RBM5: variants seen among roughly 807,000 people sequenced by gnomAD.
RBM5 encodes the protein RNA binding motif protein 5.
Under a neutral mutation model 124.6 loss-of-function variants are expected in RBM5, and 15 were observed. The ratio of observed to expected loss-of-function variants is 0.12; its 90% confidence interval spans 0.08 to 0.19. The LOEUF (loss-of-function observed/expected upper bound fraction) is 0.19, where lower values mean the gene tolerates loss of function less well. Ranked by LOEUF, RBM5 falls within the 10% of genes least tolerant of loss-of-function variation. RBM5 has a pLI of 1.00. For synonymous variants in RBM5, 337 were observed against 361.2 expected (o/e 0.93, Z 0.76); for missense variants, 580 against 1,026.5 (o/e 0.57, Z 5.94).
intron 12 of RBM5, among the ~76,000 whole-genome samples, 191 bp downstream of exon 12, chr3:50,107,760 C>T (rs1472733026): frequency 1.5e-5 from 2 of 132,344 alleles, no homozygotes; most frequent in African/African-American, 2.8e-5. Flanking sequence ...AATCTTGGCT[C>T]ACTGCAAGCT....
chr3:50,112,846 T>C (rs2091173064), intron 17 of RBM5: 1 of 152,298 alleles, frequency 6.6e-6, no homozygotes. Flanking sequence ...ACTAGACTTT[T>C]TAAATTTTTA....
chr3:50,109,742 T>C (rs2091108351), intron 15 of RBM5, 54 bp downstream of exon 15: 1 of 1,466,260 alleles, frequency 6.8e-7, no homozygotes, highest in East Asian at 2.3e-5. Context: ...AATTTTGTTT[T>C]GCTATACAAG....
chr3:50,107,932 C>T (rs2109008676), intron 12 of RBM5, 138 bp from the exon 13 acceptor site: 6 of 718,564 alleles, frequency 8.3e-6, no homozygotes, highest in East Asian at 2.7e-5. Context: ...GTGATCCACC[C>T]ACGTCAGCCT....
intron 22 of RBM5, chr3:50,116,320 T>C (rs2091252346): frequency 1.2e-5 from 3 of 254,944 alleles, no homozygotes; most frequent in African/African-American, 6.6e-5. Flanking sequence ...AGAAGTGCGC[T>C]TCAAATTAAT....
intron 14 of RBM5, among the ~76,000 whole-genome samples, chr3:50,108,979 C>G (rs1391079284): frequency 1.3e-5 from 2 of 152,200 alleles, no homozygotes; most frequent in Non-Finnish European, 2.9e-5. Context: ...CTCTAAGAAG[C>G]CTTGGCTTTA....
At position 50,100,291 on chromosome 3, in the gene RBM5, TG is replaced by T; in HGVS notation, c.410-240del. On this transcript the variant is annotated intron_variant, in intron 5 of 24. Coordinates refer to ENST00000347869, the MANE Select transcript of RBM5 (RefSeq NM_005778.4). This position sits in a 1 kb window ranked among gnomAD's most constrained non-coding sequence, Gnocchi z 5.1. Reference sequence around the variant, plus strand: ...TGATTTATAAACTCCTTTTTTTTTTTGACTATAGTCGGTTGCATGGTTACTT... The same window carrying T: ...TGATTTATAAACTCCTTTTTTTTTTTACTATAGTCGGTTGCATGGTTACTT... 9.2e-6 allele frequency: 5 copies of T among 545,808 alleles called. No homozygotes were observed. Among genetic ancestry groups the T allele is most frequent in the South Asian group, 3.0e-5 (1 of 33,050 alleles). 33.8% of individuals were successfully genotyped at this position (545,808 alleles called of 1,614,324 possible).
chr3:50,108,881 T>G (rs1039611640), intron 14 of RBM5, among the ~76,000 whole-genome samples: 1 of 152,130 alleles, frequency 6.6e-6, no homozygotes, highest in Non-Finnish European at 1.5e-5. Flanking sequence ...CTCTCTGTGT[T>G]TGGAGTCGTG....
chr3:50,115,973 A>G lies in RBM5; in HGVS notation c.2087A>G (p.Glu696Gly), dbSNP rs2091244381. ...EQELEALELR[E>G]REMKYRDRAA... ...GAGCTGGAAGCCTTGGAGCTAAGGG[A>G]GAGAGAGGTGAATGGGAAACTGTGC... The change falls in exon 22 of 25, where the codon GAG (glutamate) becomes GGG (glycine). Residue 696 changes from glutamate to glycine, a missense_variant. Glu to Gly is a moderately conservative substitution (Grantham distance 98). Transcript: ENST00000347869. 1.9e-6 allele frequency: 3 copies of G among 1,612,416 alleles called. No homozygotes were observed. The highest frequency in any genetic ancestry group is 2.5e-6 in the Non-Finnish European group (3 of 1,178,466).
Position 50,105,724 on chromosome 3 carries a change from G to T in RBM5, c.855+15G>T, listed in dbSNP as rs529804080. The stretch of plus-strand genomic sequence containing the variant: ...CCTCTGCAATGGTGAGGTTCTCATC[G>T]ATTCTTTCCTTTTTAAAAGAAACAG... On this transcript the variant is annotated intron_variant, in intron 10 of 24. Transcript: ENST00000347869. The T allele has an allele frequency of 6.2e-6, 10 of 1,610,308 alleles. No homozygotes were observed. The highest frequency in any genetic ancestry group is 8.5e-6 in the Non-Finnish European group (10 of 1,178,150).
chr3:50,110,527 A>G, intron 16 of RBM5, 64 bp downstream of exon 16: 1 of 1,530,290 alleles, frequency 6.5e-7, no homozygotes, highest in Non-Finnish European at 9.0e-7. Flanking sequence ...TTGTTTAATG[A>G]GAGTTCTTCT....
intron 4 of RBM5, among the ~76,000 whole-genome samples, chr3:50,097,579 GT>G (rs977264603): frequency 1.2e-4 from 18 of 148,198 alleles, no homozygotes; most frequent in African/African-American, 2.7e-4. Context: ...ATTTCACCCT[GT>G]TTTTTTTTTC....
chr3:50,103,540 G>A (rs538474184), intron 7 of RBM5, among the ~76,000 whole-genome samples: 2 of 152,280 alleles, frequency 1.3e-5, no homozygotes, highest in South Asian at 2.1e-4. Flanking sequence ...CCAGCTACTC[G>A]GAGGTTGAGG....
At chr3:50,092,312 ATCACTT>A in intron 3 of RBM5, 104 bp downstream of exon 3, 1 of 1,321,884 alleles carries the variant, frequency 7.6e-7, no homozygotes, top group Non-Finnish European at 1.0e-6. Flanking sequence ...CCATAATCCT[ATCACTT>A]TGGGAGGCCA....
At chr3:50,093,536 TCAGAC>T (rs929379407) in intron 3 of RBM5, among the ~76,000 whole-genome samples, 179 bp from the exon 4 acceptor site, 5 of 151,622 alleles carry the variant, frequency 3.3e-5, no homozygotes, top group African/African-American at 1.2e-4. Flanking sequence ...GGCCAGGAGT[TCAGAC>T]CAGCCTGGGT....
At position 50,117,403 on chromosome 3, in the gene RBM5, A is replaced by G; in HGVS notation, c.2322+24A>G. 1 of 1,612,396 alleles carries G rather than the reference A, an allele frequency of 6.2e-7. No homozygotes were observed. The highest frequency in any genetic ancestry group is 1.1e-5 in the South Asian group (1 of 90,994). On this transcript the variant is annotated intron_variant, in intron 24 of 24. Transcript: ENST00000347869. The surrounding 1 kb of genome is among the most constrained non-coding windows in gnomAD (Gnocchi z 4.2). Reference sequence around the variant, plus strand: ...AGGTAAGCAGTGGGGTCAGGTCTTGATGTTTGCCAGGCTTACAGGCCGGTT... The same window carrying G: ...AGGTAAGCAGTGGGGTCAGGTCTTGGTGTTTGCCAGGCTTACAGGCCGGTT...
chr3:50,097,576 CCT>C (rs1324284870), intron 4 of RBM5, among the ~76,000 whole-genome samples: 2 of 151,774 alleles, frequency 1.3e-5, no homozygotes, highest in Admixed American at 6.6e-5. Context: ...CAAATTTCAC[CCT>C]GTTTTTTTTT....
At chr3:50,101,458 C>T (rs2090938798) in intron 6 of RBM5, 1 of 152,118 alleles carries the variant, frequency 6.6e-6, no homozygotes, top group South Asian at 2.1e-4. Context: ...GTAATATTGC[C>T]ATTTATAACA....
At chr3:50,111,609 A>T (rs1382234277) in intron 17 of RBM5, among the ~76,000 whole-genome samples, 1 of 151,988 alleles carries the variant, frequency 6.6e-6, no homozygotes, top group Non-Finnish European at 1.5e-5. Context: ...TCCTGACCTT[A>T]AGTGATCCAC....
chr3:50,091,560 A>G (rs1420646315), intron 2 of RBM5, among the ~76,000 whole-genome samples: 2 of 152,214 alleles, frequency 1.3e-5, no homozygotes, highest in East Asian at 1.9e-4. Flanking sequence ...GGGGAAAAAA[A>G]AGACTAACTT....
Sources: allele counts gnomAD v4.1 joint callset (sites outside exome capture counted in the v4.1 genomes callset), GRCh38; gene constraint gnomAD v4.1.1; non-coding constraint Gnocchi (gnomAD v3.1); transcripts MANE v1.5; gene names NCBI Gene and HGNC (gene_info 2026-07-23, HGNC 2026-07-21).